AHI1: variants seen among roughly 807,000 people sequenced by gnomAD.
AHI1 encodes jouberin.
AHI1 carries 123 observed loss-of-function variants against 149.3 expected under a neutral mutation model. The ratio of observed to expected loss-of-function variants is 0.82; its 90% CI spans 0.71 to 0.96. The LOEUF is 0.96. Ranked by LOEUF, AHI1 falls within the 40% of genes least tolerant of loss-of-function variation. The pLI is 0.00. For synonymous variants in AHI1, 475 were observed against 459.8 expected (o/e 1.03, Z -0.42); for missense variants, 1,439 against 1,422.7 (o/e 1.01, Z -0.18).
intron 26 of AHI1, among the ~76,000 whole-genome samples, chr6:135,303,536 C>A (rs1437133146): frequency 1.3e-5 from 2 of 149,852 alleles, no homozygotes; most frequent in Non-Finnish European, 3.0e-5. Flanking sequence ...GGGTAAACCA[C>A]TTAGCCTCTC....
intron 22 of AHI1, among the ~76,000 whole-genome samples, chr6:135,396,490 A>C (rs1031590409): frequency 2.0e-5 from 3 of 151,852 alleles, no homozygotes; most frequent in Admixed American, 1.3e-4. Flanking sequence ...ATTAAATAGA[A>C]TATCTTGGCA....
intron 15 of AHI1, among the ~76,000 whole-genome samples, chr6:135,437,766 A>C (rs978178534): frequency 3.3e-5 from 5 of 152,232 alleles, no homozygotes; most frequent in African/African-American, 9.6e-5. Flanking sequence ...CCTGAAAACT[A>C]ACAGTATTTT....
intron 24 of AHI1, among the ~76,000 whole-genome samples, chr6:135,350,877 G>A (rs1791989524): frequency 6.6e-6 from 1 of 152,110 alleles, no homozygotes; most frequent in South Asian, 2.1e-4. Flanking sequence ...TAGGCCCTAG[G>A]AAAGGGTTTG....
chr6:135,399,117 G>A (rs1779666514), intron 22 of AHI1, among the ~76,000 whole-genome samples: 1 of 152,188 alleles, frequency 6.6e-6, no homozygotes, highest in African/African-American at 2.4e-5. Context: ...CCAGAAGGTC[G>A]AGGCTGCATT....
At chr6:135,365,447 G>C (rs1227285962) in intron 23 of AHI1, among the ~76,000 whole-genome samples, 1 of 152,184 alleles carries the variant, frequency 6.6e-6, no homozygotes, top group Non-Finnish European at 1.5e-5. Context: ...AGCATGGGAT[G>C]TGTTTCCATC....
intron 23 of AHI1, among the ~76,000 whole-genome samples, chr6:135,363,863 C>CCCGGACGGGGCGGCTGG (rs1339151423): frequency 6.7e-6 from 1 of 150,028 alleles, no homozygotes; most frequent in South Asian, 2.1e-4. Flanking sequence ...CCCCTCACCC[C>CCCGGACGGGGCGGCTGG]CCGGACGGGG....
At chr6:135,303,917 A>G (rs1053597791) in intron 26 of AHI1, among the ~76,000 whole-genome samples, 2 of 152,330 alleles carry the variant, frequency 1.3e-5, no homozygotes, top group Non-Finnish European at 2.9e-5. Context: ...ACAAGACTAG[A>G]AAGGTTTCTT....
intron 16 of AHI1, 40 bp downstream of exon 16, chr6:135,432,987 T>C (rs748162265): frequency 6.7e-7 from 1 of 1,482,334 alleles, no homozygotes; most frequent in African/African-American, 1.4e-5. Flanking sequence ...AAAAAAAAAT[T>C]CTTCACATAG....
At chr6:135,384,834 A>G (rs1342056154) in intron 23 of AHI1, among the ~76,000 whole-genome samples, 1 of 152,178 alleles carries the variant, frequency 6.6e-6, no homozygotes, top group African/African-American at 2.4e-5. Context: ...CACACCTATA[A>G]TCCCAGCACT....
chr6:135,323,085 A>G, intron 25 of AHI1, 77 bp downstream of exon 25: 1 of 1,414,028 alleles, frequency 7.1e-7, no homozygotes, highest in South Asian at 1.6e-5. Context: ...ACAGTAAATT[A>G]AAGACTAGAA....
At chr6:135,309,732 T>C (rs544200479) in intron 26 of AHI1, among the ~76,000 whole-genome samples, 7 of 152,282 alleles carry the variant, frequency 4.6e-5, no homozygotes, top group South Asian at 4.1e-4. Context: ...TCCACCTGCC[T>C]TGGCCTCCCA....
intron 21 of AHI1, among the ~76,000 whole-genome samples, chr6:135,405,614 A>G (rs1169672881): frequency 6.6e-6 from 1 of 152,130 alleles, no homozygotes; most frequent in African/African-American, 2.4e-5. Context: ...TAATCCCAGC[A>G]CTTTGGGAGG....
rs1176190885 is a variant in AHI1 at position 135,448,541 on chromosome 6, G to A, written c.1441-66C>T. Reference sequence around the variant, plus strand: ...AATAAATATATCCAATAAAGCAATAGCATAAAGTCAGAAACATTTTTAAAA... The same window carrying A: ...AATAAATATATCCAATAAAGCAATAACATAAAGTCAGAAACATTTTTAAAA... On this transcript the variant is annotated intron_variant, in intron 11 of 28. Coordinates refer to ENST00000265602, the MANE Select transcript of AHI1 (RefSeq NM_001134831.2). 6 of 1,210,112 alleles carry A rather than the reference G, an allele frequency of 5.0e-6. No individual in the cohort carries two copies. The African/African-American group carries it at 6.0e-5, about 12-fold the overall frequency. The allele number at this position is 1,210,112 out of a possible 1,614,324, so 75.0% of individuals were successfully genotyped here.
chr6:135,459,562 T>G (rs1429792485), intron 8 of AHI1, among the ~76,000 whole-genome samples: 1 of 151,934 alleles, frequency 6.6e-6, no homozygotes, highest in African/African-American at 2.4e-5. Flanking sequence ...AAAGGTTGGT[T>G]TTTGAAAAGA....
chr6:135,462,330 A>C (rs1790029425), intron 8 of AHI1, among the ~76,000 whole-genome samples: 1 of 152,046 alleles, frequency 6.6e-6, no homozygotes, highest in Non-Finnish European at 1.5e-5. Flanking sequence ...GAGAAAACAA[A>C]CAAGAAAAGA....
chr6:135,288,304 G>A (rs1781934135), intron 28 of AHI1, among the ~76,000 whole-genome samples: 1 of 152,062 alleles, frequency 6.6e-6, no homozygotes, highest in Non-Finnish European at 1.5e-5. Flanking sequence ...CAATGTGTAA[G>A]AGAAACAGCC....
chr6:135,380,603 C>A (rs1275765297), intron 23 of AHI1, among the ~76,000 whole-genome samples: 1 of 152,080 alleles, frequency 6.6e-6, no homozygotes, highest in Non-Finnish European at 1.5e-5. Flanking sequence ...TTCACTGATA[C>A]GTTCAGAGCA....
At chr6:135,468,229 T>C (rs75788060) in intron 5 of AHI1, among the ~76,000 whole-genome samples, 3,656 of 152,138 alleles carry the variant, frequency 0.024, 63 homozygotes, top group East Asian at 0.055. Flanking sequence ...ACTAATCAAA[T>C]CTAATTATAT....
chr6:135,455,226 A>T (rs930972990), intron 10 of AHI1, among the ~76,000 whole-genome samples: 4 of 152,150 alleles, frequency 2.6e-5, no homozygotes, highest in Non-Finnish European at 4.4e-5. Flanking sequence ...CTCAAAAGCC[A>T]TGTATTCCAT....
Sources: allele counts gnomAD v4.1 joint callset (sites outside exome capture counted in the v4.1 genomes callset), GRCh38; gene constraint gnomAD v4.1.1; transcripts MANE v1.5; gene names NCBI Gene and HGNC (gene_info 2026-07-23, HGNC 2026-07-21).